Variants in SLC2A13 observed in about 807,000 individuals in gnomAD.
The protein encoded by SLC2A13 is solute carrier family 2 member 13.
A neutral mutation model predicts 64.4 loss-of-function variants in SLC2A13; 32 were observed. The ratio of observed to expected loss-of-function variants is 0.50; its 90% confidence interval spans 0.37 to 0.67. The LOEUF is 0.67. Ranked by LOEUF, SLC2A13 falls within the 30% of genes least tolerant of loss-of-function variation. SLC2A13 has a pLI of 0.00. For missense variants in SLC2A13, 743 were observed against 829.2 expected, an observed-to-expected ratio of 0.90 and a Z score of 1.28; for synonymous variants, 338 against 327.1, an observed-to-expected ratio of 1.03 and a Z score of -0.36.
intron 4 of SLC2A13, among the ~76,000 whole-genome samples, chr12:39,886,593 A>G (rs1944471753): frequency 6.6e-6 from 1 of 152,012 alleles, no homozygotes; most frequent in African/African-American, 2.4e-5. Flanking sequence ...TTAGGGAGAT[A>G]TTTCTGAGTT....
At chr12:39,900,808 T>G (rs931962754) in intron 4 of SLC2A13, among the ~76,000 whole-genome samples, 16 of 152,204 alleles carry the variant, frequency 1.1e-4, no homozygotes, top group Admixed American at 8.5e-4. Flanking sequence ...AGGCTACCAA[T>G]GACTTTCTTC....
chr12:39,867,343 G>C (rs1449979834), intron 5 of SLC2A13, among the ~76,000 whole-genome samples: 1 of 151,962 alleles, frequency 6.6e-6, no homozygotes, highest in African/African-American at 2.4e-5. Context: ...GGTATGCCTA[G>C]CACATATCCA....
rs1948341858 is a variant in SLC2A13 at position 40,056,947 on chromosome 12, T to A, written c.557-8737A>T. On this transcript the variant is annotated intron_variant, in intron 1 of 9. Coordinates refer to ENST00000280871, the MANE Select transcript of SLC2A13 (RefSeq NM_052885.4). ...GTGAGTCGAGATCGCGCCATTGCAC[T>A]GCAGCCTGGGTGACAGAGCGAGACT... Among the ~76,000 whole-genome samples the A allele has an allele frequency of 2.0e-5, 3 of 152,028 alleles. No homozygotes were observed. In the South Asian group the frequency reaches 6.2e-4, roughly 32 times the overall value.
chr12:39,775,386 G>A (rs773455057), intron 7 of SLC2A13, among the ~76,000 whole-genome samples: 3 of 152,228 alleles, frequency 2.0e-5, no homozygotes, highest in Non-Finnish European at 4.4e-5. Context: ...ATGAGGATGT[G>A]GATGTGGCCT....
At chr12:40,039,177 T>C (rs560237078) in intron 2 of SLC2A13, among the ~76,000 whole-genome samples, 5 of 152,340 alleles carry the variant, frequency 3.3e-5, no homozygotes, top group Non-Finnish European at 5.9e-5. Context: ...CTTTTGTCAT[T>C]AGAAAATGTC....
chr12:40,022,884 C>T (rs1221604557), intron 3 of SLC2A13, among the ~76,000 whole-genome samples: 7 of 151,822 alleles, frequency 4.6e-5, no homozygotes, highest in African/African-American at 1.2e-4. Context: ...TGGAATTCAC[C>T]CCTCCCCCCC....
At chr12:39,998,673 G>A (rs1015936823) in intron 3 of SLC2A13, among the ~76,000 whole-genome samples, 1 of 152,188 alleles carries the variant, frequency 6.6e-6, no homozygotes, top group African/African-American at 2.4e-5. Context: ...TGATTTTACA[G>A]GCTCATAGGC....
At chr12:39,782,163 C>T (rs1379205933) in intron 7 of SLC2A13, among the ~76,000 whole-genome samples, 1 of 152,118 alleles carries the variant, frequency 6.6e-6, no homozygotes, top group South Asian at 2.1e-4. Flanking sequence ...TCTTGCTATG[C>T]TTTTATTACA....
At chr12:39,847,115 A>T (rs1212832364) in intron 6 of SLC2A13, among the ~76,000 whole-genome samples, 1 of 152,208 alleles carries the variant, frequency 6.6e-6, no homozygotes, top group East Asian at 1.9e-4. Context: ...AGTTGACTTT[A>T]GACTTCTAAT....
chr12:39,829,989 G>C (rs944835168), intron 7 of SLC2A13, 114 bp downstream of exon 7: 1 of 1,294,278 alleles, frequency 7.7e-7, no homozygotes, highest in Middle Eastern at 2.0e-4. Context: ...AAGTAATGTA[G>C]TTATGAAGGC....
At chr12:39,841,841 T>C (rs1377258988) in intron 6 of SLC2A13, among the ~76,000 whole-genome samples, 8 of 152,018 alleles carry the variant, frequency 5.3e-5, no homozygotes, top group Admixed American at 5.3e-4. Flanking sequence ...CTGAAATTCT[T>C]AGGTTTGCAA....
chr12:39,971,907 G>A (rs764423277), intron 3 of SLC2A13, among the ~76,000 whole-genome samples: 4 of 148,844 alleles, frequency 2.7e-5, no homozygotes, highest in Non-Finnish European at 5.9e-5. Context: ...CCCAGGAGGC[G>A]GAGGTTGCAG....
chr12:39,901,510 C>A (rs1232990336), intron 4 of SLC2A13, among the ~76,000 whole-genome samples: 1 of 136,442 alleles, frequency 7.3e-6, no homozygotes, highest in Non-Finnish European at 1.6e-5. Flanking sequence ...AAACAAACAA[C>A]CCCATCAAAA....
intron 3 of SLC2A13, among the ~76,000 whole-genome samples, chr12:39,960,744 CTTTTTT>C (rs71434303): frequency 9.2e-6 from 1 of 108,844 alleles, no homozygotes; most frequent in African/African-American, 3.4e-5. Context: ...CTGTCTCATT[CTTTTTT>C]TTTTTTTTTT....
intron 4 of SLC2A13, among the ~76,000 whole-genome samples, chr12:39,914,468 T>A (rs954207841): frequency 8.6e-5 from 13 of 151,914 alleles, no homozygotes; most frequent in African/African-American, 3.1e-4. Context: ...CCATAGCAAA[T>A]TTCCGGATTG....
At chr12:40,062,091 A>G (rs550647229) in intron 1 of SLC2A13, among the ~76,000 whole-genome samples, 14 of 152,224 alleles carry the variant, frequency 9.2e-5, no homozygotes, top group African/African-American at 3.4e-4. Context: ...TGGTGAGACA[A>G]CTGGGTATCC....
intron 4 of SLC2A13, among the ~76,000 whole-genome samples, chr12:39,916,482 T>C (rs1945522902): frequency 6.6e-6 from 1 of 152,146 alleles, no homozygotes; most frequent in Admixed American, 6.5e-5. Context: ...AGTTTAATTA[T>C]ATAGACATGT....
chr12:39,994,018 A>T (rs2136170741), intron 3 of SLC2A13, among the ~76,000 whole-genome samples: 1 of 152,320 alleles, frequency 6.6e-6, no homozygotes. Context: ...CTGAAATAAA[A>T]TGTAATAACT....
chr12:39,900,765 A>G (rs1945075155), intron 4 of SLC2A13, among the ~76,000 whole-genome samples: 1 of 152,226 alleles, frequency 6.6e-6, no homozygotes, highest in Non-Finnish European at 1.5e-5. Context: ...CATACTGCCC[A>G]AGGTAATTTA....
Sources: gnomAD v4.1 joint callset for allele counts (sites outside exome capture counted in the v4.1 genomes callset) on GRCh38, gnomAD v4.1.1 for gene constraint, MANE v1.5 for transcripts, NCBI Gene and HGNC (gene_info 2026-07-23, HGNC 2026-07-21) for gene names.